The following SH3RF3 variants were observed in gnomAD, a reference collection of about 807,000 sequenced individuals.
SH3RF3 encodes the protein SH3 domain containing ring finger 3, also known as E3 ubiquitin-protein ligase SH3RF3.
Under a neutral mutation model 66.3 loss-of-function variants are expected in SH3RF3, and 29 were observed. The ratio of observed to expected loss-of-function variants is 0.44; its 90% CI spans 0.33 to 0.60. The LOEUF (loss-of-function observed/expected upper bound fraction) is 0.60, where lower values mean the gene tolerates loss of function less well. Among genes scored for constraint, SH3RF3 ranks in the 20% least tolerant of loss-of-function variants. The pLI, the probability that SH3RF3 is intolerant of heterozygous loss-of-function variation, is 0.04. For missense variants in SH3RF3, 1,194 were observed against 1,190.9 expected (o/e 1.00, Z -0.04); for synonymous variants, 583 against 532.0 (o/e 1.10, Z -1.32).
chr2:109,460,659 A>G (rs1033468183), intron 8 of SH3RF3, among the ~76,000 whole-genome samples: 2 of 152,112 alleles, frequency 1.3e-5, no homozygotes, highest in African/African-American at 2.4e-5. Context: ...CACAAATTTC[A>G]CCACATGTTT....
chr2:109,218,257 T>A (rs1157731828), intron 1 of SH3RF3, among the ~76,000 whole-genome samples: 1 of 152,206 alleles, frequency 6.6e-6, no homozygotes, highest in Non-Finnish European at 1.5e-5. Context: ...AAAAGACATT[T>A]CAGTATTTAT....
At chr2:109,177,448 G>A (rs1039044379) in intron 1 of SH3RF3, among the ~76,000 whole-genome samples, 1 of 152,178 alleles carries the variant, frequency 6.6e-6, no homozygotes, top group Non-Finnish European at 1.5e-5. Flanking sequence ...CCTGTGATCT[G>A]CCAGAGGGTT....
chr2:109,162,908 G>C (rs1435933665), intron 1 of SH3RF3, among the ~76,000 whole-genome samples: 1 of 152,112 alleles, frequency 6.6e-6, no homozygotes, highest in Non-Finnish European at 1.5e-5. Flanking sequence ...TTTTTGGCTT[G>C]GTGGTAAGAG....
chr2:109,248,231 C>G (rs1413809491), intron 1 of SH3RF3, among the ~76,000 whole-genome samples: 1 of 152,248 alleles, frequency 6.6e-6, no homozygotes, highest in African/African-American at 2.4e-5. Flanking sequence ...AATAGGAGTT[C>G]TTACTTTTAA....
intron 1 of SH3RF3, among the ~76,000 whole-genome samples, chr2:109,183,807 G>A (rs980796198): frequency 6.6e-6 from 1 of 152,150 alleles, no homozygotes; most frequent in Non-Finnish European, 1.5e-5. Context: ...GGCCAAGGGG[G>A]TTAAGTTACC....
intron 1 of SH3RF3, among the ~76,000 whole-genome samples, chr2:109,296,764 G>T (rs1681319397): frequency 6.6e-6 from 1 of 152,168 alleles, no homozygotes; most frequent in African/African-American, 2.4e-5. Context: ...CCTGGGACTT[G>T]CCATGGCGTG....
chr2:109,290,987 A>G (rs145375322), intron 1 of SH3RF3, among the ~76,000 whole-genome samples: 59 of 152,366 alleles, frequency 3.9e-4, no homozygotes, highest in African/African-American at 1.3e-3. Context: ...GTAGGTGCAC[A>G]TTAAATGATG....
intron 1 of SH3RF3, among the ~76,000 whole-genome samples, chr2:109,146,895 C>T (rs879267499): frequency 2.0e-5 from 2 of 100,752 alleles, no homozygotes; most frequent in Middle Eastern, 4.5e-3. Flanking sequence ...TCCCCCCCCC[C>T]CCCCCCGCCC....
chr2:109,160,549 T>G (rs952748339), intron 1 of SH3RF3, among the ~76,000 whole-genome samples: 1 of 152,214 alleles, frequency 6.6e-6, no homozygotes, highest in African/African-American at 2.4e-5. Flanking sequence ...CCTCTCTGGC[T>G]TAATCTCATC....
At chr2:109,386,006 T>C (rs1675813244) in intron 3 of SH3RF3, among the ~76,000 whole-genome samples, 1 of 152,232 alleles carries the variant, frequency 6.6e-6, no homozygotes, top group South Asian at 2.1e-4. Flanking sequence ...GTAGCAATTC[T>C]TCATACCCTG....
chr2:109,416,422 C>T (rs1443600701), intron 4 of SH3RF3, among the ~76,000 whole-genome samples: 4 of 152,086 alleles, frequency 2.6e-5, no homozygotes, highest in Non-Finnish European at 5.9e-5. Context: ...TGGCGAAACC[C>T]CCCCGTTTCT....
chr2:109,146,491 T>G (rs1341398492), intron 1 of SH3RF3, among the ~76,000 whole-genome samples: 1 of 152,136 alleles, frequency 6.6e-6, no homozygotes, highest in African/African-American at 2.4e-5. Flanking sequence ...GTCCTGTGAA[T>G]GTTCAATGGC....
At chr2:109,495,663 TG>T (rs1468980518) in intron 9 of SH3RF3, among the ~76,000 whole-genome samples, 1 of 152,002 alleles carries the variant, frequency 6.6e-6, no homozygotes, top group African/African-American at 2.4e-5. Context: ...GGCTGATTTT[TG>T]TATTTTTAGT....
intron 1 of SH3RF3, among the ~76,000 whole-genome samples, chr2:109,196,866 C>A (rs1309566644): frequency 6.6e-6 from 1 of 152,168 alleles, no homozygotes; most frequent in African/African-American, 2.4e-5. Context: ...AGAGGTGGGC[C>A]TAGATGGACT....
chr2:109,377,479 C>G (rs1265267597), intron 3 of SH3RF3, among the ~76,000 whole-genome samples: 3 of 152,166 alleles, frequency 2.0e-5, no homozygotes, highest in Non-Finnish European at 4.4e-5. Context: ...GATTCAGACT[C>G]TGTGACGCCA....
chr2:109,464,539 C>T (rs1004167150), intron 8 of SH3RF3, among the ~76,000 whole-genome samples: 37 of 152,336 alleles, frequency 2.4e-4, no homozygotes, highest in African/African-American at 7.9e-4. Flanking sequence ...CATACATACA[C>T]ATCCTGCAGA....
At chr2:109,421,849 A>G (rs972030272) in intron 5 of SH3RF3, among the ~76,000 whole-genome samples, 3 of 152,336 alleles carry the variant, frequency 2.0e-5, no homozygotes, top group East Asian at 1.9e-4. Flanking sequence ...GGTCCGTTCC[A>G]TGTGTGTTCA....
chr2:109,390,918 G>C (rs914831820), intron 3 of SH3RF3, among the ~76,000 whole-genome samples: 1 of 152,218 alleles, frequency 6.6e-6, no homozygotes, highest in Admixed American at 6.5e-5. Flanking sequence ...GCTGTGGGCT[G>C]TGTGACAGCT....
chr2:109,375,735 G>A (rs1683367142), intron 3 of SH3RF3, among the ~76,000 whole-genome samples: 1 of 152,236 alleles, frequency 6.6e-6, no homozygotes, highest in African/African-American at 2.4e-5. Flanking sequence ...GAGCACCCCT[G>A]CAGCCCCCCT....
Sources: allele counts gnomAD v4.1 joint callset (sites outside exome capture counted in the v4.1 genomes callset), GRCh38; gene constraint gnomAD v4.1.1; transcripts MANE v1.5; gene names NCBI Gene and HGNC (gene_info 2026-07-23, HGNC 2026-07-21).